The following SP110 variants were observed in gnomAD, a reference collection of about 807,000 sequenced individuals.
SP110 encodes the protein interferon-induced protein 41, 30kD.
In SP110, 62 loss-of-function variants were observed where a neutral mutation model predicts 92.7. That is an observed-to-expected ratio of 0.67 (90% CI 0.55 to 0.83). The LOEUF (loss-of-function observed/expected upper bound fraction) is 0.83. Among genes scored for constraint, SP110 ranks in the 40% least tolerant of loss-of-function variants. The pLI, the probability that SP110 is intolerant of heterozygous loss-of-function variation, is 0.00. For missense variants in SP110, 793 were observed against 863.9 expected (o/e 0.92, Z 1.03); for synonymous variants, 273 against 305.3 (o/e 0.89, Z 1.10).
chr2:230,195,345 G>A (rs12474611), intron 10 of SP110, among the ~76,000 whole-genome samples: 116,214 of 152,050 alleles, frequency 0.76, 44,540 homozygotes, highest in Admixed American at 0.83. Flanking sequence ...CATTTAAAAA[G>A]TTTTTTGGGG....
chr2:230,223,951 G>A (rs17263269), upstream of SP110, among the ~76,000 whole-genome samples: 17,343 of 152,238 alleles, frequency 0.11, 1,246 homozygotes, highest in South Asian at 0.19. Context: ...CACTGGTCAC[G>A]TGGCAGTAAA....
At chr2:230,176,670 T>C (rs199535843) in intron 14 of SP110, 1 of 1,613,786 alleles carries the variant, frequency 6.2e-7, no homozygotes, top group Non-Finnish European at 8.5e-7. Flanking sequence ...GAAATTCACT[T>C]GCTATTTAAC....
rs975420986 is a variant in SP110 at position 230,165,895 on chromosome 2, C to T, written c.*3229G>A. Among the ~76,000 whole-genome samples the T allele has an allele frequency of 7.2e-6, 1 of 138,880 alleles. No homozygotes were observed. The highest frequency in any genetic ancestry group is 1.5e-5 in the Non-Finnish European group (1 of 65,140). 91.1% of individuals were successfully genotyped at this position (138,880 alleles called of 152,430 possible). ...GACAGAAATAAGACCACCTATATAA[C>T]TTTTTTTTTTTTTTTTGAAACAGAG... On this transcript the variant is annotated 3_prime_UTR_variant, in exon 19 of 19. Coordinates refer to ENST00000258381, the MANE Select transcript of SP110 (RefSeq NM_080424.4).
At chr2:230,174,746 G>T (rs752093820) in intron 14 of SP110, among the ~76,000 whole-genome samples, 6 of 152,260 alleles carry the variant, frequency 3.9e-5, no homozygotes, top group Admixed American at 1.3e-4. Flanking sequence ...CACATTTTGG[G>T]AGTACCAGCA....
chr2:230,172,478 G>A (rs1001683012), intron 15 of SP110: 1 of 541,566 alleles, frequency 1.8e-6, no homozygotes. Context: ...CAGAATCTGG[G>A]CTTTCACCTG....
chr2:230,176,646 C>CT (rs2041871653), intron 14 of SP110: 1 of 1,614,024 alleles, frequency 6.2e-7, no homozygotes, highest in African/African-American at 1.3e-5. Context: ...AACATGGTGA[C>CT]TGAGAGGGTA....
rs145499939 is a variant in SP110, at chr2:230,187,753, T to C, written c.1130-1610A>G. Among the ~76,000 whole-genome samples, 96 of 152,342 alleles carry C rather than the reference T, an allele frequency of 6.3e-4. 1 individual carries two copies. In the East Asian group the frequency reaches 0.016, roughly 25 times the overall value. On this transcript the variant is annotated intron_variant, in intron 10 of 18. Coordinates refer to ENST00000258381, the MANE Select transcript of SP110 (RefSeq NM_080424.4). ...GCACCATTTATTAAATATGGTGTCA[T>C]TTCCCCAATTTATGTTTTTGTATGC... is the stretch of plus-strand genomic sequence containing the variant.
At chr2:230,200,704 A>C (rs1340485868) in intron 10 of SP110, 181 bp downstream of exon 10, 1 of 634,196 alleles carries the variant, frequency 1.6e-6, no homozygotes, top group South Asian at 1.9e-5. Flanking sequence ...TAAAATGGAC[A>C]TATATTTGTA....
At chr2:230,206,827 A>G (rs1436413993) in intron 8 of SP110, among the ~76,000 whole-genome samples, 4 of 151,768 alleles carry the variant, frequency 2.6e-5, no homozygotes, top group East Asian at 3.9e-4. Context: ...AATTAGAGCT[A>G]TAGCTATTTT....
At position 230,168,517 on chromosome 2, in the gene SP110, C is replaced by T. The variant is rs893627407; in HGVS notation, c.*607G>A. 6.6e-6 allele frequency: 1 copy of T among 152,426 alleles called. No individual in the cohort carries two copies. Among genetic ancestry groups the T allele is most frequent in the African/African-American group, 2.4e-5 (1 of 41,402 alleles). 9.4% of individuals were successfully genotyped at this position (152,426 alleles called of 1,614,324 possible). A position where few individuals can be genotyped will look rare whatever the true frequency, so the allele number is the denominator to read the frequency against. Reference sequence around the variant, plus strand: ...GGCTGATAACACGTGCACCTGCTGCCAACCTTAACATAAAAAATAATACTA... The same window carrying T: ...GGCTGATAACACGTGCACCTGCTGCTAACCTTAACATAAAAAATAATACTA... On this transcript the variant is annotated 3_prime_UTR_variant, in exon 19 of 19. Transcript: ENST00000258381.
chr2:230,186,413 G>C (rs972166559), intron 10 of SP110, among the ~76,000 whole-genome samples: 20 of 152,112 alleles, frequency 1.3e-4, no homozygotes, highest in African/African-American at 4.8e-4. Context: ...CCAGGACCTA[G>C]GACAGATACC....
intron 14 of SP110, 133 bp downstream of exon 14, chr2:230,177,405 T>G: frequency 1.0e-6 from 1 of 1,002,298 alleles, no homozygotes; most frequent in Non-Finnish European, 1.6e-6. Flanking sequence ...CAGTTTTTTT[T>G]CTATGAACAT....
chr2:230,222,844 T>G (rs1264867976), upstream of SP110, among the ~76,000 whole-genome samples: 6 of 150,902 alleles, frequency 4.0e-5, no homozygotes, highest in African/African-American at 1.5e-4. Flanking sequence ...ATTAAAGTTT[T>G]TTTTTTTTTT....
At chr2:230,193,444 T>C (rs1283026125) in intron 10 of SP110, among the ~76,000 whole-genome samples, 1 of 152,262 alleles carries the variant, frequency 6.6e-6, no homozygotes, top group Non-Finnish European at 1.5e-5. Flanking sequence ...TATTGTTTTA[T>C]AGACCTTGTG....
intron 8 of SP110, 24 bp from the exon 9 acceptor site, chr2:230,202,752 A>G (rs201760589): frequency 6.2e-7 from 1 of 1,613,886 alleles, no homozygotes; most frequent in Non-Finnish European, 8.5e-7. Flanking sequence ...TGACTTGTTA[A>G]TAGTTTAAAT....
chr2:230,174,547 A>G (rs1178204825), intron 14 of SP110, among the ~76,000 whole-genome samples: 2 of 151,988 alleles, frequency 1.3e-5, no homozygotes, highest in African/African-American at 2.4e-5. Context: ...TTCTGATACA[A>G]AAAAAAACCA....
At chr2:230,173,296 C>A in intron 14 of SP110, 1 of 353,118 alleles carries the variant, frequency 2.8e-6, no homozygotes, top group Non-Finnish European at 5.6e-6. Context: ...GCCCACCAGG[C>A]CTCTATTAAT....
Position 230,172,917 on chromosome 2 carries a change from GT to G in SP110, c.1632del (p.Gln545AsnfsTer35). The stretch of plus-strand genomic sequence containing the variant: ...GGACAAGTACCGCAGCAGAGAAGTT[GT>G]CCCCCTTGACAGCACACCTCGCATT... ...SDECEVCCQG[G>X]QLLCCGTCPR... On this transcript the variant is annotated frameshift_variant, in exon 15 of 19. Transcript: ENST00000258381. LOFTEE classifies it high-confidence loss of function. 1 of 1,614,172 alleles carries G rather than the reference GT, an allele frequency of 6.2e-7. No homozygotes were observed. Among genetic ancestry groups the G allele is most frequent in the Non-Finnish European group, 8.5e-7 (1 of 1,180,002 alleles).
At position 230,167,390 on chromosome 2, in the gene SP110, GTGTGAGCC is replaced by G. The variant is rs2078327669; in HGVS notation, c.*1726_*1733del. 6.6e-6 allele frequency: 1 copy of G among 152,214 alleles called. No individual in the cohort carries two copies. The highest frequency in any genetic ancestry group is 1.5e-5 in the Non-Finnish European group (1 of 68,336). 9.4% of individuals were successfully genotyped at this position (152,214 alleles called of 1,614,324 possible). On this transcript the variant is annotated 3_prime_UTR_variant, in exon 19 of 19. Coordinates refer to ENST00000258381, the MANE Select transcript of SP110 (RefSeq NM_080424.4). ...GCCTCCTAAAGTGCTGGGATTTCAG[GTGTGAGCC>G]ACTGTGCCCAGCCCGAAGAAGCTTT... is the stretch of plus-strand genomic sequence containing the variant.
Sources: allele counts gnomAD v4.1 joint callset (sites outside exome capture counted in the v4.1 genomes callset), GRCh38; gene constraint gnomAD v4.1.1; transcripts MANE v1.5; gene names NCBI Gene and HGNC (gene_info 2026-07-23, HGNC 2026-07-21).